FUT9: variants seen among roughly 807,000 people sequenced by gnomAD.
FUT9 encodes the protein fucosyltransferase 9, also known as 4-galactosyl-N-acetylglucosaminide 3-alpha-L-fucosyltransferase 9.
A neutral mutation model predicts 29.7 loss-of-function variants in FUT9; 15 were observed. The ratio of observed to expected loss-of-function variants is 0.51; its 90% CI spans 0.34 to 0.78. The LOEUF is 0.78. Among genes scored for constraint, FUT9 ranks in the 30% least tolerant of loss-of-function variants. The probability of loss-of-function intolerance (pLI) is 0.01; values close to 1 mark genes in which losing one functional copy is unlikely to be tolerated. For missense variants in FUT9, 319 were observed against 425.4 expected (o/e 0.75, Z 2.20); for synonymous variants, 169 against 153.7 (o/e 1.10, Z -0.74).
Position 96,206,355 on chromosome 6 carries a change from G to C in FUT9, c.*2120G>C, listed in dbSNP as rs950073013. The C allele has an allele frequency of 6.0e-6, 1 of 167,050 alleles. No homozygotes were observed. The highest frequency in any genetic ancestry group is 1.5e-5 in the Non-Finnish European group (1 of 68,122). 10.3% of individuals were successfully genotyped at this position (167,050 alleles called of 1,614,324 possible). On this transcript the variant is annotated 3_prime_UTR_variant, in exon 3 of 3. Coordinates refer to ENST00000302103, the MANE Select transcript of FUT9 (RefSeq NM_006581.4). ...CCATATTTAATTAATTGGTAAGACA[G>C]TCAAATTCATACATTTACATTTACT...
chr6:96,029,781 T>C (rs1770229804), intron 1 of FUT9, among the ~76,000 whole-genome samples: 1 of 151,574 alleles, frequency 6.6e-6, no homozygotes, highest in Non-Finnish European at 1.5e-5. Context: ...ATGACTAATG[T>C]ATTAAAGAAC....
intron 1 of FUT9, among the ~76,000 whole-genome samples, chr6:96,018,067 G>T (rs931056378): frequency 8.5e-5 from 13 of 152,250 alleles, no homozygotes; most frequent in Admixed American, 5.9e-4. Context: ...AAGTAAATGT[G>T]GATAGCCGCA....
At chr6:96,178,894 T>C (rs1349958215) in intron 2 of FUT9, among the ~76,000 whole-genome samples, 1 of 152,080 alleles carries the variant, frequency 6.6e-6, no homozygotes, top group Non-Finnish European at 1.5e-5. Context: ...ATCCATAAAA[T>C]CACATGGTGA....
intron 2 of FUT9, among the ~76,000 whole-genome samples, chr6:96,139,259 A>C (rs1772416006): frequency 6.6e-6 from 1 of 152,166 alleles, no homozygotes; most frequent in African/African-American, 2.4e-5. Flanking sequence ...TAAAGCTTCG[A>C]AAGACCTCCT....
rs533315532 is a variant in FUT9 at position 96,021,794 on chromosome 6, T to A, written c.-98+5582T>A. On this transcript the variant is annotated intron_variant, in intron 1 of 2. Transcript: ENST00000302103. ...CCTAGAACACGGACTGGACAATTAC[T>A]TTTATAGCCAGGTAAAGTTTATAAT... 5.9e-5 allele frequency among the ~76,000 whole-genome samples: 9 copies of A among 152,184 alleles called. No individual in the cohort carries two copies. The South Asian group carries it at 1.9e-3, about 32-fold the overall frequency.
intron 1 of FUT9, among the ~76,000 whole-genome samples, chr6:96,023,647 A>C (rs1221308412): frequency 6.6e-6 from 1 of 151,924 alleles, no homozygotes; most frequent in Non-Finnish European, 1.5e-5. Flanking sequence ...CAAGAGTTTA[A>C]TCTGTGCAAT....
At position 96,205,018 on chromosome 6, in the gene FUT9, T is replaced by C. The variant is rs1295342768; in HGVS notation, c.*783T>C. The C allele has an allele frequency of 6.1e-6, 1 of 164,938 alleles. No homozygotes were observed. Among genetic ancestry groups the C allele is most frequent in the Non-Finnish European group, 1.5e-5 (1 of 68,068 alleles). The allele number at this position is 164,938 out of a possible 1,614,324, so 10.2% of individuals were successfully genotyped here. A position where few individuals can be genotyped will look rare whatever the true frequency, so the allele number is the denominator to read the frequency against. ...TTCTTTCTGCTACTGATGACACTCA[T>C]TGTCATAATAAAACAAATAATTTCC... On this transcript the variant is annotated 3_prime_UTR_variant, in exon 3 of 3. Coordinates refer to ENST00000302103, the MANE Select transcript of FUT9 (RefSeq NM_006581.4).
intron 1 of FUT9, among the ~76,000 whole-genome samples, chr6:96,093,632 A>G (rs769634982): frequency 2.6e-5 from 4 of 152,178 alleles, no homozygotes; most frequent in Admixed American, 6.6e-5. Flanking sequence ...GAATTTAAAT[A>G]TGTATTTCTC....
intron 2 of FUT9, among the ~76,000 whole-genome samples, chr6:96,123,809 T>A (rs1772077338): frequency 6.6e-6 from 1 of 151,876 alleles, no homozygotes; most frequent in Non-Finnish European, 1.5e-5. Context: ...AAATAACTTA[T>A]GAGAAAAAAA....
At chr6:96,136,146 G>C (rs1347954087) in intron 2 of FUT9, among the ~76,000 whole-genome samples, 1 of 151,248 alleles carries the variant, frequency 6.6e-6, no homozygotes, top group Non-Finnish European at 1.5e-5. Context: ...ATATTGATGG[G>C]GTATCAGTGG....
intron 1 of FUT9, among the ~76,000 whole-genome samples, chr6:96,051,702 A>G (rs1770673829): frequency 6.6e-6 from 1 of 152,058 alleles, no homozygotes; most frequent in Non-Finnish European, 1.5e-5. Context: ...TAAAATTGGT[A>G]AACTGGAAAT....
At chr6:96,145,360 C>T (rs1238940687) in intron 2 of FUT9, among the ~76,000 whole-genome samples, 1 of 152,062 alleles carries the variant, frequency 6.6e-6, no homozygotes, top group Non-Finnish European at 1.5e-5. Flanking sequence ...CCAGTCTTGT[C>T]TTATTATTTA....
chr6:96,077,541 T>A (rs1004946219), intron 1 of FUT9, among the ~76,000 whole-genome samples: 3 of 152,180 alleles, frequency 2.0e-5, no homozygotes, highest in Non-Finnish European at 4.4e-5. Flanking sequence ...TCCTCTCACC[T>A]TGTAAAATCT....
At chr6:96,026,547 A>G (rs1770171957) in intron 1 of FUT9, among the ~76,000 whole-genome samples, 1 of 151,738 alleles carries the variant, frequency 6.6e-6, no homozygotes, top group Non-Finnish European at 1.5e-5. Context: ...TTGTAAATCA[A>G]AATCATTAAG....
At chr6:96,066,447 G>A (rs1770963421) in intron 1 of FUT9, among the ~76,000 whole-genome samples, 1 of 152,024 alleles carries the variant, frequency 6.6e-6, no homozygotes, top group Non-Finnish European at 1.5e-5. Flanking sequence ...TGTGACAGAT[G>A]TGGCTTATTT....
In FUT9 at chr6:96,073,063, T is replaced by G. The variant is rs114189898; in HGVS notation, c.-97-40976T>G. 6.1e-3 allele frequency among the ~76,000 whole-genome samples: 931 copies of G among 152,258 alleles called. 15 individuals are homozygous for G. The highest frequency in any genetic ancestry group is 0.021 in the African/African-American group (887 of 41,558). On this transcript the variant is annotated intron_variant, in intron 1 of 2. Coordinates refer to ENST00000302103, the MANE Select transcript of FUT9 (RefSeq NM_006581.4). Reference sequence around the variant, plus strand: ...AGAACAAATGCTCTGACTTGCAATGTGAGCACAGGGAACACCACGTTATTT... The same window carrying G: ...AGAACAAATGCTCTGACTTGCAATGGGAGCACAGGGAACACCACGTTATTT...
chr6:96,183,181 A>C (rs549044642), intron 2 of FUT9, among the ~76,000 whole-genome samples: 111 of 151,846 alleles, frequency 7.3e-4, no homozygotes, highest in South Asian at 3.5e-3. Flanking sequence ...ATTCCTAAGT[A>C]TTTCATTTTT....
chr6:96,022,726 GT>G (rs1770095522), intron 1 of FUT9, among the ~76,000 whole-genome samples: 1 of 151,784 alleles, frequency 6.6e-6, no homozygotes, highest in Non-Finnish European at 1.5e-5. Flanking sequence ...TTTTACCTTT[GT>G]TCGTCATTGA....
At chr6:96,125,565 T>C (rs1163750558) in intron 2 of FUT9, among the ~76,000 whole-genome samples, 1 of 152,200 alleles carries the variant, frequency 6.6e-6, no homozygotes, top group Non-Finnish European at 1.5e-5. Flanking sequence ...GGGATTAATA[T>C]TATTTCTAAT....
Sources: gnomAD v4.1 joint callset for allele counts (sites outside exome capture counted in the v4.1 genomes callset) on GRCh38, gnomAD v4.1.1 for gene constraint, MANE v1.5 for transcripts, NCBI Gene and HGNC (gene_info 2026-07-23, HGNC 2026-07-21) for gene names.